The following ANKRD2 variants were observed in gnomAD, a reference collection of about 807,000 sequenced individuals.
The protein encoded by ANKRD2 is ankyrin repeat domain-containing protein 2.
Under a neutral mutation model 37.3 loss-of-function variants are expected in ANKRD2, and 35 were observed. That is an observed-to-expected ratio of 0.94 (90% CI 0.72 to 1.24). ANKRD2 has a LOEUF of 1.24. Among genes scored for constraint, ANKRD2 ranks in the 50% most tolerant of loss-of-function variants. ANKRD2 has a pLI of 0.00. For synonymous variants in ANKRD2, 159 were observed against 186.5 expected (o/e 0.85, Z 1.20); for missense variants, 410 against 445.6 (o/e 0.92, Z 0.72).
Position 97,578,610 on chromosome 10 carries a change from T to G in ANKRD2, c.456+5T>G, listed in dbSNP as rs745758932. The G allele has an allele frequency of 1.9e-6, 3 of 1,548,962 alleles. No homozygotes were observed. The South Asian group carries it at 3.6e-5, about 19-fold the overall frequency. On this transcript the variant is annotated splice_donor_5th_base_variant and intron_variant, in intron 4 of 8. Transcript: ENST00000370655. ...TCAGCCGACACGTGCGACCAGGTGA[T>G]GCTCCTAGCCGCCCCTGACCAGCCT...
chr10:97,583,548 C>G, intron 8 of ANKRD2, 28 bp from the exon 9 acceptor site: 2 of 1,554,800 alleles, frequency 1.3e-6, no homozygotes, highest in Non-Finnish European at 1.7e-6. Context: ...CTCTTGCCAA[C>G]CCCCACGCCC....
Position 97,581,361 on chromosome 10 carries a change from G to T in ANKRD2, c.601G>T (p.Glu201Ter), listed in dbSNP as rs747530603. The change falls in exon 6 of 9, where the codon GAG (glutamate) becomes TAG (stop). Residue 201 changes from glutamate (E) to a stop codon, truncating the protein, a stop_gained. Coordinates refer to ENST00000370655, the MANE Select transcript of ANKRD2 (RefSeq NM_001346793.2). LOFTEE classifies it high-confidence loss of function. ...MHWACRGGHL[E>*]VVKLLQSHGA... is the part of the protein sequence containing the mutation. ...TTGGGCCTGCCGCGGGGGCCACTTA[G>T]AGGTGGTGAAACTTCTGCAAAGCCA... 6.2e-7 allele frequency: 1 copy of T among 1,614,196 alleles called. No homozygotes were observed. Among genetic ancestry groups the T allele is most frequent in the Non-Finnish European group, 8.5e-7 (1 of 1,180,008 alleles).
At chr10:97,577,570 G>T (rs952534413) in intron 1 of ANKRD2, among the ~76,000 whole-genome samples, 2 of 152,346 alleles carry the variant, frequency 1.3e-5, no homozygotes, top group South Asian at 2.1e-4. Flanking sequence ...CAGTTAGTGG[G>T]CAGGTGTCTG....
At chr10:97,576,066 C>T (rs1485603397) in intron 1 of ANKRD2, among the ~76,000 whole-genome samples, 1 of 152,184 alleles carries the variant, frequency 6.6e-6, no homozygotes, top group African/African-American at 2.4e-5. Context: ...AGACCTCAAA[C>T]CATGAAGCCC....
chr10:97,576,931 C>G (rs1265587862), intron 1 of ANKRD2, among the ~76,000 whole-genome samples: 1 of 151,746 alleles, frequency 6.6e-6, no homozygotes, highest in Non-Finnish European at 1.5e-5. Flanking sequence ...CTCCTGGGCT[C>G]AAGCAATCCA....
At position 97,578,243 on chromosome 10, in the gene ANKRD2, C is replaced by T. The variant is rs754509079; in HGVS notation, c.193C>T (p.Gln65Ter). 1 of 1,612,306 alleles carries T rather than the reference C, an allele frequency of 6.2e-7. No individual in the cohort carries two copies. Among genetic ancestry groups the T allele is most frequent in the Non-Finnish European group, 8.5e-7 (1 of 1,179,744 alleles). Reference protein sequence around the residue: ...QSAALQKVKGQERVRKTSLDL... With the variant: ...QSAALQKVKG Reference sequence around the variant, plus strand: ...GTTGATGGGCCATCCCGCGCAGGGCCAAGAGCGCGTGCGCAAGACGTCCCT... The same window carrying T: ...GTTGATGGGCCATCCCGCGCAGGGCTAAGAGCGCGTGCGCAAGACGTCCCT... Residue 65 changes from glutamine (Q) to a stop codon, truncating the protein, a stop_gained, in exon 3 of 9, where the codon CAA becomes TAA. Transcript: ENST00000370655. LOFTEE classifies it high-confidence loss of function.
In ANKRD2 at chr10:97,578,233, C is replaced by A; in HGVS notation, c.190-7C>A. Reference sequence around the variant, plus strand: ...GGCCTGGGGGGTTGATGGGCCATCCCGCGCAGGGCCAAGAGCGCGTGCGCA... The same window carrying A: ...GGCCTGGGGGGTTGATGGGCCATCCAGCGCAGGGCCAAGAGCGCGTGCGCA... On this transcript the variant is annotated splice_region_variant and splice_polypyrimidine_tract_variant and intron_variant, in intron 2 of 8. Transcript: ENST00000370655. The A allele has an allele frequency of 6.2e-7, 1 of 1,610,468 alleles. No individual in the cohort carries two copies. Among genetic ancestry groups the A allele is most frequent in the Non-Finnish European group, 8.5e-7 (1 of 1,178,662 alleles).
At chr10:97,578,025 C>T in intron 2 of ANKRD2, 124 bp downstream of exon 2, 1 of 1,100,828 alleles carries the variant, frequency 9.1e-7, no homozygotes, top group Non-Finnish European at 1.3e-6. Flanking sequence ...GCTTGCTAGC[C>T]CTGCAGAATC....
chr10:97,581,415 G>T lies in ANKRD2; in HGVS notation c.654+1G>T, dbSNP rs766380384. On this transcript the variant is annotated splice_donor_variant, in intron 6 of 8. Transcript: ENST00000370655. LOFTEE classifies it high-confidence loss of function. ...AGCAGACACCAATGTGAGGGATAAG[G>T]TGAGGCAAAAACACTCAGAAGCAAC... The T allele has an allele frequency of 6.2e-7, 1 of 1,614,096 alleles. No homozygotes were observed. The highest frequency in any genetic ancestry group is 1.1e-5 in the South Asian group (1 of 91,066).
intron 7 of ANKRD2, 31 bp downstream of exon 7, chr10:97,582,444 C>T (rs781122714): frequency 1.2e-5 from 19 of 1,586,566 alleles, no homozygotes; most frequent in Non-Finnish European, 1.5e-5. Flanking sequence ...TGCTCACCCG[C>T]CATGGGTGTG....
At chr10:97,578,050 G>C in intron 2 of ANKRD2, 149 bp downstream of exon 2, 1 of 1,075,404 alleles carries the variant, frequency 9.3e-7, no homozygotes, top group Non-Finnish European at 1.3e-6. Context: ...CCCCGTCCCA[G>C]AACTACTGAG....
chr10:97,575,602 TATG>T (rs1281849205), intron 1 of ANKRD2, among the ~76,000 whole-genome samples: 2 of 152,126 alleles, frequency 1.3e-5, no homozygotes, highest in African/African-American at 4.8e-5. Flanking sequence ...ACCTCTCATC[TATG>T]TGACAACAAC....
In ANKRD2 at chr10:97,582,348, A is replaced by T. The variant is rs534926101; in HGVS notation, c.688A>T (p.Thr230Ser). ...LSTPLHVAVR[T>S]GQVEIVEHFL... Reference sequence around the variant, plus strand: ...CACCCCGCTGCACGTGGCAGTCCGGACAGGGCAGGTGGAGATTGTGGAGCA... The same window carrying T: ...CACCCCGCTGCACGTGGCAGTCCGGTCAGGGCAGGTGGAGATTGTGGAGCA... The change falls in exon 7 of 9, where the codon ACA becomes TCA. Residue 230 changes from threonine (T) to serine (S), a missense_variant. By Grantham distance (58) the Thr-to-Ser change is moderately conservative. Transcript: ENST00000370655. The T allele has an allele frequency of 5.7e-5, 89 of 1,560,478 alleles. 2 individuals are homozygous for T. The South Asian group carries it at 1.0e-3, about 18-fold the overall frequency.
chr10:97,578,160 C>CCCCCCA, intron 2 of ANKRD2, 80 bp from the exon 3 acceptor site: 1 of 1,314,452 alleles, frequency 7.6e-7, no homozygotes, highest in Non-Finnish European at 1.0e-6. Flanking sequence ...CCCACCCTCC[C>CCCCCCA]CACCAGCTTA....
At chr10:97,583,213 G>A (rs2282372) in intron 8 of ANKRD2, among the ~76,000 whole-genome samples, 81,833 of 151,942 alleles carry the variant, frequency 0.54, 24,677 homozygotes, top group Non-Finnish European at 0.7. Flanking sequence ...GGAGGCCATG[G>A]GAGAGTCCCT....
intron 5 of ANKRD2, 30 bp from the exon 6 acceptor site, chr10:97,581,286 C>T (rs1340069561): frequency 1.2e-6 from 2 of 1,603,996 alleles, no homozygotes; most frequent in Non-Finnish European, 1.7e-6. Flanking sequence ...CCCTGCAGCT[C>T]TGTAGTTAGA....
rs369493079 is a variant in ANKRD2 at position 97,582,449 on chromosome 10, G to T, written c.753+36G>T. On this transcript the variant is annotated intron_variant, in intron 7 of 8. Transcript: ENST00000370655. Reference sequence around the variant, plus strand: ...GCCTGTCCGCTGCTCACCCGCCATGGGTGTGTGGGCAGCCTGCGGGCCCCT... The same window carrying T: ...GCCTGTCCGCTGCTCACCCGCCATGTGTGTGTGGGCAGCCTGCGGGCCCCT... 32 of 1,592,982 alleles carry T rather than the reference G, an allele frequency of 2.0e-5. No homozygotes were observed. The South Asian group carries it at 3.1e-4, about 16-fold the overall frequency.
At chr10:97,577,971 T>C in intron 2 of ANKRD2, 70 bp downstream of exon 2, 19 of 1,421,884 alleles carry the variant, frequency 1.3e-5, no homozygotes, top group Non-Finnish European at 1.8e-5. Context: ...TCTGCACCTC[T>C]CCCCACGTGG....
intron 4 of ANKRD2, among the ~76,000 whole-genome samples, chr10:97,580,330 C>T (rs567772376): frequency 6.6e-6 from 1 of 152,238 alleles, no homozygotes; most frequent in South Asian, 2.1e-4. Context: ...TTCAAAAGTC[C>T]AAGGCAGAAA....
Sources: gnomAD v4.1 joint callset for allele counts (sites outside exome capture counted in the v4.1 genomes callset) on GRCh38, gnomAD v4.1.1 for gene constraint, MANE v1.5 for transcripts, NCBI Gene and HGNC (gene_info 2026-07-23, HGNC 2026-07-21) for gene names.